Variants in UBE2O observed in about 807,000 individuals in gnomAD.
UBE2O encodes (E3-independent) E2 ubiquitin-conjugating enzyme.
A neutral mutation model predicts 125.8 loss-of-function variants in UBE2O; 15 were observed. The observed-to-expected ratio is 0.12, with a 90% CI of 0.08 to 0.18. The LOEUF (loss-of-function observed/expected upper bound fraction) is 0.18. UBE2O is among the 10% of genes least tolerant of loss of function. The pLI is 1.00. For synonymous variants in UBE2O, 708 were observed against 703.2 expected (o/e 1.01, Z -0.11); for missense variants, 1,280 against 1,723.6 (o/e 0.74, Z 4.56).
chr17:76,421,096 C>T (rs2072703206), intron 1 of UBE2O, among the ~76,000 whole-genome samples: 1 of 152,188 alleles, frequency 6.6e-6, no homozygotes, highest in African/African-American at 2.4e-5. Context: ...CTCAGCACCA[C>T]CCATTTGCTA....
chr17:76,431,949 G>A (rs915225031), intron 1 of UBE2O, among the ~76,000 whole-genome samples: 10 of 152,198 alleles, frequency 6.6e-5, no homozygotes, highest in African/African-American at 2.4e-4. Context: ...AACTGATCCA[G>A]GCTTAGGGTG....
chr17:76,390,755 T>A lies in UBE2O; in HGVS notation c.*188A>T, dbSNP rs2072093619. The A allele has an allele frequency of 5.6e-6, 3 of 538,306 alleles. No individual in the cohort carries two copies. The highest frequency in any genetic ancestry group is 9.3e-6 in the Non-Finnish European group (3 of 321,946). The allele number at this position is 538,306 out of a possible 1,614,324, so 33.3% of individuals were successfully genotyped here. A position where few individuals can be genotyped will look rare whatever the true frequency, so the allele number is the denominator to read the frequency against. ...GGGACCCGCCTGTTGAAAGCTCGCT[T>A]CAAAATAGAAACGGCAGCATCTCAA... On this transcript the variant is annotated 3_prime_UTR_variant, in exon 18 of 18. Coordinates refer to ENST00000319380, the MANE Select transcript of UBE2O (RefSeq NM_022066.4).
In UBE2O at chr17:76,392,033, G is replaced by A. The variant is rs1477929352; in HGVS notation, c.3027C>T (p.Pro1009=). The A allele has an allele frequency of 1.3e-6, 2 of 1,577,922 alleles. No homozygotes were observed. The highest frequency in any genetic ancestry group is 2.3e-5 in the East Asian group (1 of 44,412). ...GGGGGGGCACGGCTGGGTAGATGTT[G>A]GGGAGCTGGATGTCAAACAAGTAGA... ...DGLYLFDIQL[P]NIYPAVPPHF... Residue 1009 remains proline, a synonymous_variant, in exon 16 of 18, where the codon CCC becomes CCT. Transcript: ENST00000319380.
chr17:76,431,718 G>A (rs1010884949), intron 1 of UBE2O, among the ~76,000 whole-genome samples: 2 of 152,078 alleles, frequency 1.3e-5, no homozygotes, highest in East Asian at 1.9e-4. Flanking sequence ...CAGCGGGGGG[G>A]ACTGCTTGAA....
intron 15 of UBE2O, among the ~76,000 whole-genome samples, chr17:76,392,867 T>C (rs371463239): frequency 2.6e-5 from 4 of 151,186 alleles, no homozygotes; most frequent in African/African-American, 9.7e-5. Flanking sequence ...GTGGGAGAAT[T>C]GCTTCAACCC....
chr17:76,440,683 T>A (rs1246850669), intron 1 of UBE2O, among the ~76,000 whole-genome samples: 1 of 152,134 alleles, frequency 6.6e-6, no homozygotes, highest in African/African-American at 2.4e-5. Flanking sequence ...TCAGGATCCT[T>A]CCAGAGCAGA....
chr17:76,410,558 G>A lies in UBE2O; in HGVS notation c.418-4986C>T, dbSNP rs914670937. 2.0e-5 allele frequency among the ~76,000 whole-genome samples: 3 copies of A among 152,178 alleles called. No individual in the cohort carries two copies. Among genetic ancestry groups the A allele is most frequent in the Non-Finnish European group, 2.9e-5 (2 of 68,034 alleles). ...ACAATGGCAGAGAAGGTGGGTCTGC[G>A]GACCAGCCTCTGGATACATCAAGTA... On this transcript the variant is annotated intron_variant, in intron 1 of 17. Coordinates refer to ENST00000319380, the MANE Select transcript of UBE2O (RefSeq NM_022066.4). The surrounding 1 kb of genome is among the most constrained non-coding windows in gnomAD (Gnocchi z 4.0).
Position 76,391,985 on chromosome 17 carries a change from G to A in UBE2O, c.3075C>T (p.Cys1025=), listed in dbSNP as rs1017432032. 2 of 1,603,804 alleles carry A rather than the reference G, an allele frequency of 1.2e-6. No homozygotes were observed. Among genetic ancestry groups the A allele is most frequent in the Non-Finnish European group, 8.5e-7 (1 of 1,175,988 alleles). ...VPPHFCYLSQ[C]SGRLNPNLYD... ...ACAGGTTGGGGTTCAGGCGGCCACT[G>A]CATTGGGAGAGGTAGCAGAAGTGGG... The change falls in exon 16 of 18, where the codon TGC becomes TGT. Residue 1025 remains cysteine, a synonymous_variant. Coordinates refer to ENST00000319380, the MANE Select transcript of UBE2O (RefSeq NM_022066.4). This position sits in a 1 kb window ranked among gnomAD's most constrained non-coding sequence, Gnocchi z 8.4.
chr17:76,415,842 T>A (rs571838819), intron 1 of UBE2O, among the ~76,000 whole-genome samples: 74 of 150,582 alleles, frequency 4.9e-4, no homozygotes, highest in African/African-American at 1.8e-3. Context: ...TACACATATA[T>A]GTATATACAA....
chr17:76,396,686 C>T lies in UBE2O; in HGVS notation c.2251G>A (p.Glu751Lys), dbSNP rs952583194. Residue 751 changes from glutamate (E) to lysine (K), a missense_variant, in exon 14 of 18, where the codon GAG (glutamate) becomes AAG (lysine). This residue lies in a region of UBE2O where 210 missense variants were observed against 268.9 expected (regional missense o/e 0.78). Transcript: ENST00000319380. This position sits in a 1 kb window ranked among gnomAD's most constrained non-coding sequence, Gnocchi z 6.7. ...WETDNGLVED[E>K]HPKIEEPPIP... The stretch of plus-strand genomic sequence containing the variant: ...GGGGGCTCCTCTATCTTGGGGTGCT[C>T]GTCCTCCACCAGCCCATTGTCCGTC... 6 of 1,613,658 alleles carry T rather than the reference C, an allele frequency of 3.7e-6. No homozygotes were observed. The highest frequency in any genetic ancestry group is 2.2e-5 in the South Asian group (2 of 91,078).
In UBE2O at chr17:76,399,487, C is replaced by T. The variant is rs752235323; in HGVS notation, c.1590G>A (p.Lys530=). ...TGAAGTCTCGAGTGATTTTATTCTT[C>T]TTCCTCTTGTGTTTGCGCTTTAAGT... ...IKNLKRKHKR[K]KNKITRDFKP... Residue 530 remains lysine (K), a synonymous_variant, in exon 9 of 18, where the codon AAG becomes AAA. Coordinates refer to ENST00000319380, the MANE Select transcript of UBE2O (RefSeq NM_022066.4). The surrounding 1 kb of genome is among the most constrained non-coding windows in gnomAD (Gnocchi z 6.9). The T allele has an allele frequency of 3.1e-6, 5 of 1,614,216 alleles. No individual in the cohort carries two copies. The East Asian group carries it at 1.1e-4, about 36-fold the overall frequency.
chr17:76,452,079 G>A lies in UBE2O; in HGVS notation c.417+646C>T, dbSNP rs370100297. Among the ~76,000 whole-genome samples the A allele has an allele frequency of 1.1e-4, 17 of 152,020 alleles. No homozygotes were observed. The East Asian group carries it at 3.1e-3, about 28-fold the overall frequency. Reference sequence around the variant, plus strand: ...CACTTAGGAGTCATCAATCCCGGTCGCAGCTGTCAGAATCCTCCCCCCCAA... The same window carrying A: ...CACTTAGGAGTCATCAATCCCGGTCACAGCTGTCAGAATCCTCCCCCCCAA... On this transcript the variant is annotated intron_variant, in intron 1 of 17. Transcript: ENST00000319380. This position sits in a 1 kb window ranked among gnomAD's most constrained non-coding sequence, Gnocchi z 4.4.
In UBE2O at chr17:76,390,474, C is replaced by A. The variant is rs918288211; in HGVS notation, c.*469G>T. On this transcript the variant is annotated 3_prime_UTR_variant, in exon 18 of 18. Transcript: ENST00000319380. ...TGGGTGGTGGTGGCAGCAGGAGGGT[C>A]TGGGACACAGGGAGGCTTGAGTTGA... is the stretch of plus-strand genomic sequence containing the variant. 1 of 156,400 alleles carries A rather than the reference C, an allele frequency of 6.4e-6. No homozygotes were observed. The highest frequency in any genetic ancestry group is 6.4e-5 in the Admixed American group (1 of 15,692). The allele number at this position is 156,400 out of a possible 1,614,324, so 9.7% of individuals were successfully genotyped here. A position where few individuals can be genotyped will look rare whatever the true frequency, so the allele number is the denominator to read the frequency against.
intron 1 of UBE2O, among the ~76,000 whole-genome samples, chr17:76,449,442 G>A (rs1471722530): frequency 1.3e-5 from 2 of 152,224 alleles, no homozygotes; most frequent in Non-Finnish European, 2.9e-5. Context: ...GGGTGTGATG[G>A]CGCATGCCCA....
intron 1 of UBE2O, among the ~76,000 whole-genome samples, chr17:76,419,151 G>A (rs1030253262): frequency 1.0e-4 from 15 of 149,726 alleles, no homozygotes; most frequent in Non-Finnish European, 1.8e-4. Context: ...AGGCCTGGTG[G>A]CTCATGCTCA....
chr17:76,392,237 G>A (rs1332505115), intron 15 of UBE2O, 124 bp from the exon 16 acceptor site: 2 of 583,022 alleles, frequency 3.4e-6, no homozygotes, highest in East Asian at 6.5e-5. Context: ...AGGAAGAGCA[G>A]CACCTGGGAC....
At chr17:76,418,212 T>C (rs2072648084) in intron 1 of UBE2O, among the ~76,000 whole-genome samples, 1 of 152,170 alleles carries the variant, frequency 6.6e-6, no homozygotes, top group South Asian at 2.1e-4. Context: ...ATGTTTTCTA[T>C]ACTATTAGGC....
chr17:76,446,867 A>G (rs2073160698), intron 1 of UBE2O, among the ~76,000 whole-genome samples: 1 of 152,312 alleles, frequency 6.6e-6, no homozygotes, highest in African/African-American at 2.4e-5. Flanking sequence ...TTCAACATTG[A>G]GGGGCAGTCA....
At position 76,412,030 on chromosome 17, in the gene UBE2O, A is replaced by G. The variant is rs183313111; in HGVS notation, c.418-6458T>C. ...CAGCTTGCAGTAGTCTCAAACAGAAAAGGTCCAGCATCATGCCAAGTGCCC... is the reference window on the plus strand; with the variant it reads ...CAGCTTGCAGTAGTCTCAAACAGAAGAGGTCCAGCATCATGCCAAGTGCCC... On this transcript the variant is annotated intron_variant, in intron 1 of 17. Coordinates refer to ENST00000319380, the MANE Select transcript of UBE2O (RefSeq NM_022066.4). Among the ~76,000 whole-genome samples the G allele has an allele frequency of 2.2e-4, 33 of 152,238 alleles. No homozygotes were observed. The East Asian group carries it at 4.4e-3, about 21-fold the overall frequency.
Sources: allele counts gnomAD v4.1 joint callset (sites outside exome capture counted in the v4.1 genomes callset), GRCh38; gene constraint gnomAD v4.1.1; regional missense constraint gnomAD v4.1.1; non-coding constraint Gnocchi (gnomAD v3.1); transcripts MANE v1.5; gene names NCBI Gene and HGNC (gene_info 2026-07-23, HGNC 2026-07-21).